The following MCTP2 variants were observed in gnomAD, a reference collection of about 807,000 sequenced individuals.
MCTP2 encodes the protein multiple C2 and transmembrane domain containing 2.
MCTP2 carries 132 observed loss-of-function variants against 111.6 expected under a neutral mutation model. That is an observed-to-expected ratio of 1.18 (90% CI 1.03 to 1.37). The LOEUF is 1.37. Among genes scored for constraint, MCTP2 ranks in the 40% most tolerant of loss-of-function variants. The pLI is 0.00. For missense variants in MCTP2, 1,183 were observed against 1,067.9 expected, an observed-to-expected ratio of 1.11 and a Z score of -1.50; for synonymous variants, 395 against 387.7, an observed-to-expected ratio of 1.02 and a Z score of -0.22.
chr15:94,310,076 G>A (rs549064043), intron 2 of MCTP2, among the ~76,000 whole-genome samples: 2 of 152,248 alleles, frequency 1.3e-5, no homozygotes, highest in South Asian at 2.1e-4. Flanking sequence ...ATGTTAAAAT[G>A]ATGCTTATTA....
At chr15:94,454,607 A>C (rs1338814106) in intron 19 of MCTP2, among the ~76,000 whole-genome samples, 8 of 152,132 alleles carry the variant, frequency 5.3e-5, no homozygotes, top group Admixed American at 1.3e-4. Flanking sequence ...TGTGGAAAAA[A>C]AAAAAACCCT....
In MCTP2 at chr15:94,294,497, G is replaced by A. The variant is rs948643189; in HGVS notation, c.-65-3704G>A. On this transcript the variant is annotated intron_variant, in intron 1 of 22. Coordinates refer to ENST00000357742, the MANE Select transcript of MCTP2 (RefSeq NM_001385001.1). ...ATATATTATAATGTACCAGTAATAC[G>A]TGCATTCCTACCAGCTTCACCCCCT... Among the ~76,000 whole-genome samples, 6 of 152,192 alleles carry A rather than the reference G, an allele frequency of 3.9e-5. No homozygotes were observed. The East Asian group carries it at 5.8e-4, about 15-fold the overall frequency.
Position 94,370,108 on chromosome 15 carries a change from G to A in MCTP2, c.1510G>A (p.Asp504Asn). 1 of 1,612,478 alleles carries A rather than the reference G, an allele frequency of 6.2e-7. No homozygotes were observed. The highest frequency in any genetic ancestry group is 8.5e-7 in the Non-Finnish European group (1 of 1,179,330). The stretch of plus-strand genomic sequence containing the variant: ...TCAGTGCTTACAGAACTCCCTGAAA[G>A]ATGTGAAAGACGTCGGCATTCTACA... ...QRYCLQNSLK[D>N]VKDVGILQVK... Residue 504 changes from aspartate (D) to asparagine (N), a missense_variant, in exon 12 of 23, where the codon GAT becomes AAT. Asp to Asn is a conservative substitution (Grantham distance 23). Coordinates refer to ENST00000357742, the MANE Select transcript of MCTP2 (RefSeq NM_001385001.1).
chr15:94,368,592 T>C (rs1185859263), intron 11 of MCTP2, among the ~76,000 whole-genome samples: 1 of 151,934 alleles, frequency 6.6e-6, no homozygotes, highest in Non-Finnish European at 1.5e-5. Flanking sequence ...GATGTATTGA[T>C]TAATTGAATA....
intron 4 of MCTP2, among the ~76,000 whole-genome samples, chr15:94,321,815 C>T (rs2076643703): frequency 6.6e-6 from 1 of 152,194 alleles, no homozygotes; most frequent in Admixed American, 6.5e-5. Context: ...TTACTGATAA[C>T]ATAAACAGCC....
intron 7 of MCTP2, chr15:94,341,555 A>G (rs1298783660): frequency 6.6e-6 from 1 of 152,242 alleles, no homozygotes; most frequent in East Asian, 1.9e-4. Context: ...ATATAAAAAT[A>G]TAAAGCCTAT....
intron 2 of MCTP2, among the ~76,000 whole-genome samples, chr15:94,299,953 C>G (rs1160515667): frequency 2.0e-5 from 3 of 151,908 alleles, no homozygotes; most frequent in African/African-American, 7.3e-5. Context: ...TTTATAAAAC[C>G]CATTTTGTAA....
At chr15:94,335,722 AAACT>A (rs2077329944) in intron 4 of MCTP2, among the ~76,000 whole-genome samples, 1 of 152,268 alleles carries the variant, frequency 6.6e-6, no homozygotes, top group South Asian at 2.1e-4. Context: ...CTAGTTACAT[AAACT>A]AACACAATGC....
intron 1 of MCTP2, among the ~76,000 whole-genome samples, chr15:94,289,932 G>T (rs1056770756): frequency 6.6e-6 from 1 of 152,104 alleles, no homozygotes; most frequent in Non-Finnish European, 1.5e-5. Context: ...AAGTGGAAGA[G>T]GAAAACAAAA....
At chr15:94,449,583 C>T (rs1371303121) in intron 19 of MCTP2, among the ~76,000 whole-genome samples, 1 of 152,162 alleles carries the variant, frequency 6.6e-6, no homozygotes, top group Admixed American at 6.5e-5. Flanking sequence ...AAACAAGGTG[C>T]TCATAGTAAA....
chr15:94,366,647 A>C (rs555265013), intron 10 of MCTP2, among the ~76,000 whole-genome samples: 1 of 152,282 alleles, frequency 6.6e-6, no homozygotes, highest in East Asian at 1.9e-4. Context: ...CAGTGCTTCC[A>C]TCCTTTTCTG....
At chr15:94,370,929 G>A (rs1401979182) in intron 12 of MCTP2, among the ~76,000 whole-genome samples, 1 of 152,060 alleles carries the variant, frequency 6.6e-6, no homozygotes, top group Admixed American at 6.6e-5. Flanking sequence ...GGATTGCATG[G>A]TTTTTAAAAA....
At chr15:94,331,227 T>C (rs2077119314) in intron 4 of MCTP2, among the ~76,000 whole-genome samples, 1 of 152,236 alleles carries the variant, frequency 6.6e-6, no homozygotes, top group East Asian at 1.9e-4. Flanking sequence ...AAAATAGCTT[T>C]TGAAGGTCTC....
chr15:94,243,756 C>A, intron 1 of MCTP2, among the ~76,000 whole-genome samples: 1 of 144,774 alleles, frequency 6.9e-6, no homozygotes. Context: ...TATACACATG[C>A]ATATGTGTAT....
At chr15:94,400,431 G>A (rs1208682348) in intron 16 of MCTP2, among the ~76,000 whole-genome samples, 1 of 152,068 alleles carries the variant, frequency 6.6e-6, no homozygotes, top group Non-Finnish European at 1.5e-5. Context: ...CTTCTAGCCT[G>A]GGTTTCGCTC....
At chr15:94,298,164 G>T (rs374315582) in intron 1 of MCTP2, 37 bp from the exon 2 acceptor site, 11,412 of 736,480 alleles carry the variant, frequency 0.015, 53 homozygotes, top group Admixed American at 0.024. Flanking sequence ...TTTTTTTTTT[G>T]TTTGTTTGTT....
At chr15:94,252,384 C>T (rs1027789685) in intron 1 of MCTP2, among the ~76,000 whole-genome samples, 7 of 152,132 alleles carry the variant, frequency 4.6e-5, no homozygotes, top group Admixed American at 3.9e-4. Context: ...TTGAGTATAA[C>T]GTTTTTACAG....
chr15:94,286,910 G>A (rs2074786355), intron 1 of MCTP2, among the ~76,000 whole-genome samples: 1 of 152,150 alleles, frequency 6.6e-6, no homozygotes, highest in Non-Finnish European at 1.5e-5. Flanking sequence ...ACCAGGTAGG[G>A]TAGCATAGGT....
At chr15:94,458,278 A>G (rs750096443) in intron 20 of MCTP2, 32 bp downstream of exon 20, 1 of 1,293,164 alleles carries the variant, frequency 7.7e-7, no homozygotes, top group South Asian at 1.2e-5. Flanking sequence ...TGGTGTTTGC[A>G]GTAGACCTGC....
Sources: gnomAD v4.1 joint callset for allele counts (sites outside exome capture counted in the v4.1 genomes callset) on GRCh38, gnomAD v4.1.1 for gene constraint, MANE v1.5 for transcripts, NCBI Gene and HGNC (gene_info 2026-07-23, HGNC 2026-07-21) for gene names.